The following DDX50 variants were observed in gnomAD, a reference collection of about 807,000 sequenced individuals.
The protein encoded by DDX50 is DExD-box helicase 50, also known as ATP-dependent RNA helicase DDX50.
A neutral mutation model predicts 94.8 loss-of-function variants in DDX50; 56 were observed. That is an observed-to-expected ratio of 0.59 (90% CI 0.48 to 0.74). DDX50 has a LOEUF of 0.74. DDX50 is among the 30% of genes least tolerant of loss of function. DDX50 has a pLI of 0.00. For synonymous variants in DDX50, 264 were observed against 295.4 expected (o/e 0.89, Z 1.09); for missense variants, 713 against 881.2 (o/e 0.81, Z 2.42).
At chr10:68,918,523 C>T (rs1037759468) in intron 7 of DDX50, among the ~76,000 whole-genome samples, 30 of 150,104 alleles carry the variant, frequency 2.0e-4, no homozygotes, top group Admixed American at 1.6e-3. Context: ...GCAACCTTCA[C>T]CTCCCGGGTT....
intron 7 of DDX50, 64 bp from the exon 8 acceptor site, chr10:68,919,768 A>C: frequency 6.3e-7 from 1 of 1,577,126 alleles, no homozygotes; most frequent in South Asian, 1.2e-5. Context: ...GAAAAAATAC[A>C]CAAGAGAAAT....
rs547005058 is a variant in DDX50, at chr10:68,934,430, T to C, written c.1401+70T>C. Reference sequence around the variant, plus strand: ...AAATTCCCATTTAATTTACAACATATTGCTTGGGATGTGAAAAATATGTCA... The same window carrying C: ...AAATTCCCATTTAATTTACAACATACTGCTTGGGATGTGAAAAATATGTCA... On this transcript the variant is annotated intron_variant, in intron 9 of 14. Coordinates refer to ENST00000373585, the MANE Select transcript of DDX50 (RefSeq NM_024045.2). The surrounding 1 kb of genome is among the most constrained non-coding windows in gnomAD (Gnocchi z 4.0). 46 of 1,585,684 alleles carry C rather than the reference T, an allele frequency of 2.9e-5. No homozygotes were observed. Among genetic ancestry groups the C allele is most frequent in the Middle Eastern group, 3.6e-4 (2 of 5,488 alleles).
At chr10:68,941,518 C>A (rs1842552914) in intron 13 of DDX50, among the ~76,000 whole-genome samples, 1 of 152,060 alleles carries the variant, frequency 6.6e-6, no homozygotes, top group Non-Finnish European at 1.5e-5. Context: ...GTGATGAGGT[C>A]TCACTATTTG....
At chr10:68,933,905 A>C (rs1356862144) in intron 8 of DDX50, among the ~76,000 whole-genome samples, 1 of 151,884 alleles carries the variant, frequency 6.6e-6, no homozygotes, top group Non-Finnish European at 1.5e-5. Flanking sequence ...ATTGCACTCC[A>C]GCCTGGGCAA....
At chr10:68,922,517 A>G (rs931585710) in intron 8 of DDX50, among the ~76,000 whole-genome samples, 2 of 152,076 alleles carry the variant, frequency 1.3e-5, no homozygotes, top group African/African-American at 2.4e-5. Flanking sequence ...TTCTTTTAGC[A>G]GGCATGGTGG....
intron 2 of DDX50, among the ~76,000 whole-genome samples, chr10:68,907,670 T>C (rs1841499007): frequency 6.6e-6 from 1 of 152,190 alleles, no homozygotes; most frequent in Admixed American, 6.5e-5. Flanking sequence ...GATATTCATA[T>C]ACATTTGAGC....
At chr10:68,916,609 C>T (rs1841802634) in intron 7 of DDX50, among the ~76,000 whole-genome samples, 4 of 152,122 alleles carry the variant, frequency 2.6e-5, no homozygotes. Flanking sequence ...ATCATTTTAT[C>T]TTCAAGTAAT....
At chr10:68,912,657 A>G (rs535824473) in intron 4 of DDX50, among the ~76,000 whole-genome samples, 3 of 152,360 alleles carry the variant, frequency 2.0e-5, no homozygotes, top group African/African-American at 7.2e-5. Context: ...GCATAATGCC[A>G]CTCATGGGTT....
intron 2 of DDX50, 85 bp downstream of exon 2, chr10:68,907,092 C>A: frequency 7.7e-7 from 1 of 1,300,754 alleles, no homozygotes; most frequent in Non-Finnish European, 1.1e-6. Context: ...AGAATTGATT[C>A]TATAACATTT....
At chr10:68,913,084 C>A in intron 4 of DDX50, 78 bp from the exon 5 acceptor site, 2 of 1,192,688 alleles carry the variant, frequency 1.7e-6, no homozygotes, top group Non-Finnish European at 2.4e-6. Context: ...TTAAATGCAC[C>A]TAAAAAAAGT....
At chr10:68,926,191 AAAAT>A (rs1171225389) in intron 8 of DDX50, among the ~76,000 whole-genome samples, 1 of 4,962 alleles carries the variant, frequency 2.0e-4, no homozygotes, top group African/African-American at 7.6e-4. Context: ...AAACATAAAT[AAAAT>A]AAAATAAAAT....
intron 3 of DDX50, 106 bp downstream of exon 3, chr10:68,910,488 C>A: frequency 1.2e-6 from 1 of 801,530 alleles, no homozygotes; most frequent in Non-Finnish European, 1.9e-6. Flanking sequence ...CTGCAACCTC[C>A]GCCTCCTGGG....
intron 8 of DDX50, among the ~76,000 whole-genome samples, chr10:68,930,463 T>C (rs1266788932): frequency 6.6e-6 from 1 of 152,198 alleles, no homozygotes; most frequent in African/African-American, 2.4e-5. Context: ...CATCTGAGAA[T>C]CATGTATAAT....
rs1172975622 is a variant in DDX50, at chr10:68,946,590, A to T, written c.2174A>T (p.Asn725Ile). ...QDGRRRSGNRNRSRSGGHKRS... is the reference protein window; with the variant it reads ...QDGRRRSGNRIRSRSGGHKRS... ...GGTAGAAGACGAAGTGGGAATAGAA[A>T]TCGATCAAGAAGTGGGGGCCACAAA... The change falls in exon 15 of 15, where the codon AAT becomes ATT. Residue 725 changes from asparagine to isoleucine, a missense_variant. Around this residue, in one of 2 missense-constraint regions of DDX50, gnomAD observed 428 missense variants for 602.3 expected, o/e 0.71. Coordinates refer to ENST00000373585, the MANE Select transcript of DDX50 (RefSeq NM_024045.2). 6.2e-7 allele frequency: 1 copy of T among 1,614,142 alleles called. No homozygotes were observed. Among genetic ancestry groups the T allele is most frequent in the African/African-American group, 1.3e-5 (1 of 75,050 alleles).
chr10:68,935,951 A>G (rs1008769747), intron 10 of DDX50, 55 bp from the exon 11 acceptor site: 1 of 1,152,012 alleles, frequency 8.7e-7, no homozygotes, highest in African/African-American at 1.6e-5. Flanking sequence ...ATATTAATTT[A>G]GGAATTAATT....
intron 1 of DDX50, among the ~76,000 whole-genome samples, chr10:68,904,347 G>A (rs943185783): frequency 2.0e-5 from 3 of 152,104 alleles, no homozygotes; most frequent in African/African-American, 2.4e-5. Context: ...GTCTGGTATT[G>A]AGGTGAGGAT....
chr10:68,926,915 T>C (rs79425100), intron 8 of DDX50, among the ~76,000 whole-genome samples: 5 of 118,688 alleles, frequency 4.2e-5, no homozygotes, highest in Non-Finnish European at 1.0e-4. Flanking sequence ...AAAAAACCCC[T>C]GTGTTCTTTT....
chr10:68,905,175 C>CA (rs1841410299), intron 1 of DDX50, among the ~76,000 whole-genome samples: 1 of 152,154 alleles, frequency 6.6e-6, no homozygotes, highest in Non-Finnish European at 1.5e-5. Context: ...CCTCGCCCCC[C>CA]CAGAGTGCTG....
chr10:68,941,721 C>T (rs1842558239), intron 13 of DDX50, among the ~76,000 whole-genome samples: 1 of 152,132 alleles, frequency 6.6e-6, no homozygotes, highest in Non-Finnish European at 1.5e-5. Context: ...CTCACTGCAA[C>T]CTATGCCTCC....
Sources: gnomAD v4.1 joint callset for allele counts (sites outside exome capture counted in the v4.1 genomes callset) on GRCh38, gnomAD v4.1.1 for gene constraint, gnomAD v4.1.1 regional missense constraint, Gnocchi (gnomAD v3.1) non-coding constraint, MANE v1.5 for transcripts, NCBI Gene and HGNC (gene_info 2026-07-23, HGNC 2026-07-21) for gene names.